Variants in FRMD4B observed in about 807,000 individuals in gnomAD.
FRMD4B encodes FERM domain containing 4B.
Under a neutral mutation model 141.5 loss-of-function variants are expected in FRMD4B, and 74 were observed. The observed-to-expected ratio is 0.52, with a 90% CI of 0.43 to 0.63. The LOEUF (loss-of-function observed/expected upper bound fraction) is 0.63. Among genes scored for constraint, FRMD4B ranks in the 30% least tolerant of loss-of-function variants. The pLI is 0.00. For missense variants in FRMD4B, 1,366 were observed against 1,253.4 expected, an observed-to-expected ratio of 1.09 and a Z score of -1.36; for synonymous variants, 506 against 467.9, an observed-to-expected ratio of 1.08 and a Z score of -1.05.
chr3:69,239,055 G>A (rs2093364329), intron 7 of FRMD4B, among the ~76,000 whole-genome samples: 1 of 152,138 alleles, frequency 6.6e-6, no homozygotes, highest in Non-Finnish European at 1.5e-5. Flanking sequence ...AACTCTAAGG[G>A]CTTATAATAA....
chr3:69,498,063 G>A (rs533000089), intron 1 of FRMD4B, among the ~76,000 whole-genome samples: 4 of 152,236 alleles, frequency 2.6e-5, no homozygotes, highest in Non-Finnish European at 5.9e-5. Context: ...GAATGCTGCC[G>A]AGGAAGCTGG....
At chr3:69,288,057 G>A (rs1160185253) in intron 4 of FRMD4B, among the ~76,000 whole-genome samples, 1 of 152,166 alleles carries the variant, frequency 6.6e-6, no homozygotes, top group Non-Finnish European at 1.5e-5. Context: ...TGTCTTGGAA[G>A]GTGAGTTAAA....
At chr3:69,211,396 A>T (rs1436981496) in intron 11 of FRMD4B, among the ~76,000 whole-genome samples, 2 of 152,154 alleles carry the variant, frequency 1.3e-5, no homozygotes, top group African/African-American at 4.8e-5. Context: ...CTGGTTGAAA[A>T]CAACTTGTTG....
At chr3:69,301,628 C>T (rs1393900469) in intron 4 of FRMD4B, among the ~76,000 whole-genome samples, 1 of 152,120 alleles carries the variant, frequency 6.6e-6, no homozygotes, top group Non-Finnish European at 1.5e-5. Flanking sequence ...CTGTGCCTGG[C>T]CGGTATTACA....
At chr3:69,294,203 T>C (rs1700967331) in intron 4 of FRMD4B, among the ~76,000 whole-genome samples, 1 of 152,206 alleles carries the variant, frequency 6.6e-6, no homozygotes, top group Non-Finnish European at 1.5e-5. Context: ...TCTGGGTTTC[T>C]TTTAGTCACC....
chr3:69,440,643 A>C (rs889504174), intron 1 of FRMD4B, among the ~76,000 whole-genome samples: 5 of 152,010 alleles, frequency 3.3e-5, no homozygotes, highest in Admixed American at 2.0e-4. Context: ...CATCTCTACT[A>C]AAAAAAATAC....
chr3:69,257,197 G>A (rs1297525987), intron 5 of FRMD4B, among the ~76,000 whole-genome samples: 2 of 152,168 alleles, frequency 1.3e-5, no homozygotes, highest in Non-Finnish European at 2.9e-5. Context: ...TAAAGCATAA[G>A]GGCTCATCCA....
chr3:69,215,209 C>T (rs2107722664), intron 11 of FRMD4B, among the ~76,000 whole-genome samples: 1 of 144,400 alleles, frequency 6.9e-6, no homozygotes, highest in African/African-American at 2.5e-5. Flanking sequence ...AAAACAGCTT[C>T]ATAGTAAAAT....
intron 1 of FRMD4B, among the ~76,000 whole-genome samples, chr3:69,503,135 C>G (rs1000763772): frequency 3.3e-5 from 5 of 152,170 alleles, no homozygotes; most frequent in African/African-American, 1.2e-4. Flanking sequence ...GGCGATTCCT[C>G]AAGGATCTAG....
chr3:69,227,491 G>A (rs567854507), intron 7 of FRMD4B, among the ~76,000 whole-genome samples: 16 of 151,992 alleles, frequency 1.1e-4, no homozygotes, highest in South Asian at 4.2e-4. Flanking sequence ...GTGAAACCCC[G>A]TCTCTACTAA....
chr3:69,410,929 T>C (rs954278516), intron 2 of FRMD4B, among the ~76,000 whole-genome samples: 3 of 151,620 alleles, frequency 2.0e-5, no homozygotes, highest in African/African-American at 7.3e-5. Flanking sequence ...TTTAAACAAA[T>C]TGAAGTTTGA....
chr3:69,208,758 C>A (rs2107697933), intron 11 of FRMD4B, among the ~76,000 whole-genome samples: 1 of 152,296 alleles, frequency 6.6e-6, no homozygotes, highest in East Asian at 1.9e-4. Context: ...TCTCACCAAC[C>A]ATCCCTCCAA....
intron 7 of FRMD4B, among the ~76,000 whole-genome samples, chr3:69,247,751 C>T (rs1166620415): frequency 2.0e-5 from 3 of 152,230 alleles, no homozygotes; most frequent in East Asian, 3.9e-4. Context: ...CGGGTTCACG[C>T]CATTCTCCTG....
chr3:69,297,212 C>G (rs1701061829), intron 4 of FRMD4B, among the ~76,000 whole-genome samples: 1 of 152,136 alleles, frequency 6.6e-6, no homozygotes, highest in Non-Finnish European at 1.5e-5. Flanking sequence ...TTCTAAAGAT[C>G]TAATGTTCCA....
At chr3:69,448,670 T>C (rs1705446369) in intron 1 of FRMD4B, among the ~76,000 whole-genome samples, 1 of 152,232 alleles carries the variant, frequency 6.6e-6, no homozygotes, top group South Asian at 2.1e-4. Flanking sequence ...GTATAACTTC[T>C]GCAAAGGGCA....
At chr3:69,512,662 G>C (rs1706708239) in intron 1 of FRMD4B, among the ~76,000 whole-genome samples, 1 of 152,126 alleles carries the variant, frequency 6.6e-6, no homozygotes, top group African/African-American at 2.4e-5. Context: ...TAGGGGAAGG[G>C]AGAAAGAGGA....
At chr3:69,459,820 C>G (rs986027889) in intron 1 of FRMD4B, among the ~76,000 whole-genome samples, 1 of 152,216 alleles carries the variant, frequency 6.6e-6, no homozygotes, top group Admixed American at 6.5e-5. Context: ...ATTGTTACCT[C>G]TTTTGTGTTC....
rs879598264 is a variant in FRMD4B, at chr3:69,192,823, CT to C, written c.1714+824del. ...TATCTTTATTTTTTAATTTTGTTCA[CT>C]TTTTTTTTTTTGAGGCAGGGTCTTG... is the stretch of plus-strand genomic sequence containing the variant. On this transcript the variant is annotated intron_variant, in intron 17 of 22. Coordinates refer to ENST00000398540, the MANE Select transcript of FRMD4B (RefSeq NM_015123.3). Among the ~76,000 whole-genome samples, 134 of 144,482 alleles carry C rather than the reference CT, an allele frequency of 9.3e-4. 1 individual carries two copies. Among genetic ancestry groups the C allele is most frequent in the South Asian group, 8.8e-4 (4 of 4,548 alleles). The allele number at this position is 144,482 out of a possible 152,430, so 94.8% of individuals were successfully genotyped here. A position where few individuals can be genotyped will look rare whatever the true frequency, so the allele number is the denominator to read the frequency against.
chr3:69,378,264 T>C (rs1704025809), intron 1 of FRMD4B, among the ~76,000 whole-genome samples: 1 of 152,196 alleles, frequency 6.6e-6, no homozygotes, highest in South Asian at 2.1e-4. Context: ...GCAGAATTGG[T>C]TTGCCTGGCC....
Sources: gnomAD v4.1 joint callset for allele counts (sites outside exome capture counted in the v4.1 genomes callset) on GRCh38, gnomAD v4.1.1 for gene constraint, MANE v1.5 for transcripts, NCBI Gene and HGNC (gene_info 2026-07-23, HGNC 2026-07-21) for gene names.